HMGA2: variants seen among roughly 807,000 people sequenced by gnomAD.
HMGA2 encodes the protein high mobility group AT-hook 2.
In HMGA2, 8 loss-of-function variants were observed where a neutral mutation model predicts 19.1. The ratio of observed to expected loss-of-function variants is 0.42; its 90% CI spans 0.25 to 0.76. The LOEUF is 0.76. Among genes scored for constraint, HMGA2 ranks in the 30% least tolerant of loss-of-function variants. The pLI is 0.28. For missense variants in HMGA2, 109 were observed against 136.3 expected, an observed-to-expected ratio of 0.80 and a Z score of 1.00; for synonymous variants, 60 against 48.8, an observed-to-expected ratio of 1.23 and a Z score of -0.96.
chr12:65,882,771 G>A (rs1164237707), intron 3 of HMGA2, among the ~76,000 whole-genome samples: 1 of 152,220 alleles, frequency 6.6e-6, no homozygotes, highest in Non-Finnish European at 1.5e-5. Flanking sequence ...GGCTAGTTAT[G>A]TGAACCAGAA....
At chr12:65,900,973 A>G (rs527548462) in intron 3 of HMGA2, among the ~76,000 whole-genome samples, 1 of 152,338 alleles carries the variant, frequency 6.6e-6, no homozygotes, top group East Asian at 1.9e-4. Flanking sequence ...TCTGGACTTT[A>G]CTATTATTTA....
intron 3 of HMGA2, among the ~76,000 whole-genome samples, chr12:65,942,912 C>A (rs35083527): frequency 6.6e-6 from 1 of 151,982 alleles, no homozygotes; most frequent in African/African-American, 2.4e-5. Context: ...TTTTCTTCTA[C>A]TTCGTCTTCA....
intron 4 of HMGA2, chr12:65,958,784 T>C (rs1876670139): frequency 6.6e-6 from 1 of 152,208 alleles, no homozygotes; most frequent in South Asian, 2.1e-4. Flanking sequence ...GCAAGATAGC[T>C]TAAATTACGT....
At chr12:65,875,730 C>T (rs571116272) in intron 3 of HMGA2, among the ~76,000 whole-genome samples, 51 of 149,792 alleles carry the variant, frequency 3.4e-4, no homozygotes, top group African/African-American at 1.2e-3. Flanking sequence ...GGATTATAGG[C>T]GTAAGCCACT....
intron 4 of HMGA2, chr12:65,954,696 A>G (rs1876555622): frequency 6.6e-6 from 1 of 152,234 alleles, no homozygotes; most frequent in Non-Finnish European, 1.5e-5. Flanking sequence ...TGTTTGCGAA[A>G]TCCACCAGGT....
rs1870133953 is a variant in HMGA2 at position 65,825,722 on chromosome 12, C to T, written c.111+341C>T. Among the ~76,000 whole-genome samples the T allele has an allele frequency of 6.6e-6, 1 of 152,176 alleles. No homozygotes were observed. Among genetic ancestry groups the T allele is most frequent in the African/African-American group, 2.4e-5 (1 of 41,462 alleles). ...GGAAGCGACCGGGATCCGACAAACC[C>T]GGGCTCGCAGGCGCTTTCCGAGTTG... On this transcript the variant is annotated intron_variant, in intron 1 of 4. Coordinates refer to ENST00000403681, the MANE Select transcript of HMGA2 (RefSeq NM_003483.6). The surrounding 1 kb of genome is among the most constrained non-coding windows in gnomAD (Gnocchi z 4.4).
intron 3 of HMGA2, chr12:65,867,411 A>G (rs546056025): frequency 2.4e-4 from 105 of 434,680 alleles, no homozygotes; most frequent in African/African-American, 1.8e-3. Context: ...GAACCAGCAC[A>G]CTTGGAGTGT....
chr12:65,915,499 G>A (rs1592442954), intron 3 of HMGA2: 1 of 1,202,264 alleles, frequency 8.3e-7, no homozygotes. Context: ...GGTGTGGTTT[G>A]ATTTCATAAA....
chr12:65,949,678 T>A (rs1280818754), intron 3 of HMGA2, among the ~76,000 whole-genome samples: 3 of 152,322 alleles, frequency 2.0e-5, no homozygotes, highest in African/African-American at 7.2e-5. Context: ...TTCCCTCGGA[T>A]GTTTCACTCA....
At chr12:65,951,128 C>G (rs1876443423) in intron 3 of HMGA2, among the ~76,000 whole-genome samples, 1 of 152,044 alleles carries the variant, frequency 6.6e-6, no homozygotes, top group Admixed American at 6.6e-5. Context: ...AGGGTTTCAC[C>G]ATGTTGCCCA....
At chr12:65,827,124 A>C (rs1870248007) in intron 1 of HMGA2, 1 of 152,228 alleles carries the variant, frequency 6.6e-6, no homozygotes, top group Non-Finnish European at 1.5e-5. Context: ...TTGAGTATTT[A>C]CTACTTGGCA....
At chr12:65,839,988 A>G (rs1870925092) in intron 3 of HMGA2, among the ~76,000 whole-genome samples, 1 of 152,146 alleles carries the variant, frequency 6.6e-6, no homozygotes, top group Non-Finnish European at 1.5e-5. Flanking sequence ...ATTAACACAT[A>G]CTGTTTGTAT....
chr12:65,898,234 A>T (rs1874217590), intron 3 of HMGA2, among the ~76,000 whole-genome samples: 1 of 152,164 alleles, frequency 6.6e-6, no homozygotes, highest in African/African-American at 2.4e-5. Context: ...TGTAAGTCGG[A>T]TGGGAAAAAG....
Position 65,929,820 on chromosome 12 carries a change from T to C in HMGA2, c.250-21563T>C, listed in dbSNP as rs560897615. ...AGTTGACTCACTGGGGAAAAACAAT[T>C]GGATAAACTGGTTGTTTGCCCTTAC... On this transcript the variant is annotated intron_variant, in intron 3 of 4. Coordinates refer to ENST00000403681, the MANE Select transcript of HMGA2 (RefSeq NM_003483.6). Among the ~76,000 whole-genome samples the C allele has an allele frequency of 2.5e-3, 378 of 152,280 alleles. 3 individuals carry two copies. Among genetic ancestry groups the C allele is most frequent in the African/African-American group, 8.9e-3 (370 of 41,568 alleles).
intron 3 of HMGA2, among the ~76,000 whole-genome samples, chr12:65,940,790 A>T (rs896407989): frequency 6.6e-6 from 1 of 152,174 alleles, no homozygotes; most frequent in East Asian, 1.9e-4. Context: ...TGTCTTTTGG[A>T]TTTAGCTTCT....
intron 3 of HMGA2, among the ~76,000 whole-genome samples, chr12:65,933,118 C>T (rs1270505223): frequency 3.3e-5 from 5 of 151,766 alleles, no homozygotes; most frequent in South Asian, 2.1e-4. Flanking sequence ...TGCATTCTTA[C>T]GAATTCTTTA....
chr12:65,862,297 A>ACC (rs72092943), intron 3 of HMGA2, among the ~76,000 whole-genome samples: 3 of 141,860 alleles, frequency 2.1e-5, no homozygotes, highest in African/African-American at 9.3e-5. Context: ...ACACACACAC[A>ACC]CACACACACA....
At chr12:65,901,244 C>T (rs897257734) in intron 3 of HMGA2, among the ~76,000 whole-genome samples, 11 of 152,196 alleles carry the variant, frequency 7.2e-5, no homozygotes, top group African/African-American at 1.2e-4. Flanking sequence ...ACAATAATTT[C>T]GGCAGCCTTT....
chr12:65,846,105 C>A (rs77644469), intron 3 of HMGA2, among the ~76,000 whole-genome samples: 20,787 of 152,118 alleles, frequency 0.14, 2,645 homozygotes, highest in African/African-American at 0.32. Context: ...TCCAGGCTCG[C>A]CCCCAACCCT....
Sources: gnomAD v4.1 joint callset for allele counts (sites outside exome capture counted in the v4.1 genomes callset) on GRCh38, gnomAD v4.1.1 for gene constraint, Gnocchi (gnomAD v3.1) non-coding constraint, MANE v1.5 for transcripts, NCBI Gene and HGNC (gene_info 2026-07-23, HGNC 2026-07-21) for gene names.